Variants in CNTN1 observed in about 807,000 individuals in gnomAD.
CNTN1 encodes the protein contactin 1, also known as contactin-1.
In CNTN1, 38 loss-of-function variants were observed where a neutral mutation model predicts 126.4. The observed-to-expected ratio is 0.30, with a 90% CI of 0.23 to 0.39. CNTN1 has a LOEUF of 0.39. CNTN1 is among the 10% of genes least tolerant of loss of function. The pLI is 1.00. For synonymous variants in CNTN1, 413 were observed against 422.6 expected, an observed-to-expected ratio of 0.98 and a Z score of 0.28; for missense variants, 1,009 against 1,248.4, an observed-to-expected ratio of 0.81 and a Z score of 2.89.
At chr12:40,975,408 G>A (rs1274752590) in intron 15 of CNTN1, among the ~76,000 whole-genome samples, 3 of 151,806 alleles carry the variant, frequency 2.0e-5, no homozygotes, top group African/African-American at 7.3e-5. Context: ...AGATCATTCA[G>A]GCCGTTTCCC....
rs1592375883 is a variant in CNTN1 at position 40,995,402 on chromosome 12, T to A, written c.2113+2133T>A. On this transcript the variant is annotated intron_variant, in intron 17 of 23. Coordinates refer to ENST00000551295, the MANE Select transcript of CNTN1 (RefSeq NM_001843.4). Reference sequence around the variant, plus strand: ...TCAAATGAGCTCAGAGAGGCTACATTTTTTTTTTGATATAGGGAATAATAA... The same window carrying A: ...TCAAATGAGCTCAGAGAGGCTACATATTTTTTTTGATATAGGGAATAATAA... Among the ~76,000 whole-genome samples, 4 of 150,808 alleles carry A rather than the reference T, an allele frequency of 2.7e-5. No individual in the cohort carries two copies. In the East Asian group the frequency reaches 7.7e-4, roughly 29 times the overall value.
intron 6 of CNTN1, among the ~76,000 whole-genome samples, chr12:40,928,476 A>G (rs1393178421): frequency 6.6e-6 from 1 of 152,086 alleles, no homozygotes; most frequent in Admixed American, 6.6e-5. Context: ...ATTCACAGAT[A>G]TAAGTGCCTA....
chr12:40,757,562 T>G (rs1282547413), intron 1 of CNTN1, among the ~76,000 whole-genome samples: 1 of 152,184 alleles, frequency 6.6e-6, no homozygotes, highest in Non-Finnish European at 1.5e-5. Context: ...TTCTCACCAG[T>G]GTGTTAATGA....
intron 1 of CNTN1, among the ~76,000 whole-genome samples, chr12:40,839,821 G>T (rs1200954382): frequency 6.6e-6 from 1 of 152,094 alleles, no homozygotes; most frequent in African/African-American, 2.4e-5. Context: ...ACAAGTAAAA[G>T]TGTAAAATCA....
At chr12:40,792,788 T>C (rs1940268229) in intron 1 of CNTN1, among the ~76,000 whole-genome samples, 1 of 152,156 alleles carries the variant, frequency 6.6e-6, no homozygotes, top group Admixed American at 6.6e-5. Flanking sequence ...TATAGTTTTT[T>C]AGGAAATGTT....
intron 1 of CNTN1, among the ~76,000 whole-genome samples, chr12:40,786,969 T>C (rs1334835822): frequency 4.6e-5 from 7 of 152,186 alleles, no homozygotes; most frequent in Admixed American, 4.6e-4. Flanking sequence ...TGAGTATAAA[T>C]CTGTGTCACA....
intron 1 of CNTN1, among the ~76,000 whole-genome samples, chr12:40,714,940 G>A (rs1565636193): frequency 6.6e-6 from 1 of 151,988 alleles, no homozygotes. Context: ...AAGTCCTCAT[G>A]GTCATTCTGC....
At chr12:40,828,040 C>T (rs1166784687) in intron 1 of CNTN1, 1 of 152,010 alleles carries the variant, frequency 6.6e-6, no homozygotes, top group African/African-American at 2.4e-5. Context: ...TGTAAATCTC[C>T]CAGCTCACAG....
chr12:41,031,720 T>C (rs1460405286), intron 23 of CNTN1, among the ~76,000 whole-genome samples: 2 of 152,170 alleles, frequency 1.3e-5, no homozygotes, highest in African/African-American at 4.8e-5. Context: ...AACATTCTTA[T>C]TGATTTTAGA....
chr12:41,062,963 G>A (rs1273210021), intron 23 of CNTN1, among the ~76,000 whole-genome samples: 1 of 152,136 alleles, frequency 6.6e-6, no homozygotes, highest in African/African-American at 2.4e-5. Flanking sequence ...ATTCCCAACT[G>A]ATTAGACTAA....
chr12:40,976,707 C>T (rs1332555664), intron 15 of CNTN1, among the ~76,000 whole-genome samples: 1 of 151,940 alleles, frequency 6.6e-6, no homozygotes, highest in Non-Finnish European at 1.5e-5. Flanking sequence ...CTTTTCTGTC[C>T]ATTCTAAACA....
chr12:40,884,802 T>A (rs910230351), intron 1 of CNTN1, among the ~76,000 whole-genome samples: 6 of 151,670 alleles, frequency 4.0e-5, no homozygotes, highest in African/African-American at 1.4e-4. Context: ...TATAGCTATG[T>A]CTGTAATCTT....
intron 1 of CNTN1, among the ~76,000 whole-genome samples, chr12:40,847,432 CT>C (rs1942553277): frequency 6.6e-6 from 1 of 151,906 alleles, no homozygotes; most frequent in South Asian, 2.1e-4. Flanking sequence ...TTGAAGTCCC[CT>C]TGTATTTCAA....
chr12:41,051,037 C>T (rs926246635), intron 23 of CNTN1, among the ~76,000 whole-genome samples: 46 of 152,052 alleles, frequency 3.0e-4, no homozygotes, highest in East Asian at 1.9e-4. Context: ...AATGCATGCT[C>T]GGTGGAGATT....
intron 17 of CNTN1, among the ~76,000 whole-genome samples, chr12:40,993,929 C>T (rs532978136): frequency 7.2e-5 from 11 of 152,078 alleles, no homozygotes; most frequent in Admixed American, 2.6e-4. Context: ...ACCATTACCC[C>T]GTGGAACCAG....
At chr12:40,790,993 C>T (rs1029358508) in intron 1 of CNTN1, among the ~76,000 whole-genome samples, 2 of 152,114 alleles carry the variant, frequency 1.3e-5, no homozygotes, top group Non-Finnish European at 2.9e-5. Flanking sequence ...AAAAGAGAGG[C>T]TTTCCGGTAG....
intron 3 of CNTN1, among the ~76,000 whole-genome samples, chr12:40,916,270 T>C (rs1945241408): frequency 6.6e-6 from 1 of 152,116 alleles, no homozygotes; most frequent in Non-Finnish European, 1.5e-5. Context: ...AGCATTTTTA[T>C]ATGCATTGAG....
rs539873675 is a variant in CNTN1, at chr12:40,845,908, T to A, written c.-76-62449T>A. Among the ~76,000 whole-genome samples, 4 of 152,222 alleles carry A rather than the reference T, an allele frequency of 2.6e-5. No individual in the cohort carries two copies. In the East Asian group the frequency reaches 7.7e-4, roughly 29 times the overall value. On this transcript the variant is annotated intron_variant, in intron 1 of 23. Transcript: ENST00000551295. ...TGTCAAAAACAATAAAAAATGAATATTAGTGGAATGGAAATTAAATATTCC... is the reference window on the plus strand; with the variant it reads ...TGTCAAAAACAATAAAAAATGAATAATAGTGGAATGGAAATTAAATATTCC...
chr12:41,014,385 T>G (rs1216322865), intron 18 of CNTN1, 87 bp downstream of exon 18: 2 of 1,293,366 alleles, frequency 1.5e-6, no homozygotes, highest in Non-Finnish European at 2.2e-6. Flanking sequence ...TAAATTGAGA[T>G]GAAAGTGACT....
Sources: allele counts gnomAD v4.1 joint callset (sites outside exome capture counted in the v4.1 genomes callset), GRCh38; gene constraint gnomAD v4.1.1; transcripts MANE v1.5; gene names NCBI Gene and HGNC (gene_info 2026-07-23, HGNC 2026-07-21).